The following NTRK3 variants were observed in gnomAD, a reference collection of about 807,000 sequenced individuals.
NTRK3 encodes NT-3 growth factor receptor.
In NTRK3, 24 loss-of-function variants were observed where a neutral mutation model predicts 91.7. That is an observed-to-expected ratio of 0.26 (90% CI 0.19 to 0.37). NTRK3 has a LOEUF of 0.37. Ranked by LOEUF, NTRK3 falls within the 10% of genes least tolerant of loss-of-function variation. NTRK3 has a pLI of 1.00. For missense variants in NTRK3, 880 were observed against 1,068.9 expected, an observed-to-expected ratio of 0.82 and a Z score of 2.46; for synonymous variants, 483 against 404.0, an observed-to-expected ratio of 1.20 and a Z score of -2.34.
At chr15:88,046,665 G>T (rs886096723) in intron 13 of NTRK3, among the ~76,000 whole-genome samples, 10 of 152,068 alleles carry the variant, frequency 6.6e-5, no homozygotes, top group African/African-American at 1.9e-4. Flanking sequence ...GTTTTCTCAG[G>T]GGGGGTCACC....
intron 6 of NTRK3, among the ~76,000 whole-genome samples, chr15:88,139,609 G>C (rs1330990076): frequency 3.9e-5 from 6 of 152,104 alleles, no homozygotes; most frequent in Admixed American, 3.9e-4. Context: ...TACTCTGTCA[G>C]AAAGGTGAAG....
At chr15:88,179,562 G>A (rs528215937) in intron 5 of NTRK3, among the ~76,000 whole-genome samples, 28 of 152,312 alleles carry the variant, frequency 1.8e-4, no homozygotes, top group East Asian at 7.7e-4. Flanking sequence ...TCAGACAGAC[G>A]TCTACATTCT....
At chr15:88,147,562 T>C (rs1203699655) in intron 5 of NTRK3, among the ~76,000 whole-genome samples, 159 bp from the exon 6 acceptor site, 1 of 151,314 alleles carries the variant, frequency 6.6e-6, no homozygotes, top group Non-Finnish European at 1.5e-5. Context: ...TTCATGCTGT[T>C]AGGCTAGCGA....
chr15:88,085,450 GAGA>G (rs1350946447), intron 13 of NTRK3, among the ~76,000 whole-genome samples: 2 of 152,282 alleles, frequency 1.3e-5, no homozygotes, highest in African/African-American at 2.4e-5. Flanking sequence ...CATCTGCCAT[GAGA>G]AGAATATGCT....
chr15:87,987,465 TTGTG>T (rs924441984), intron 14 of NTRK3, among the ~76,000 whole-genome samples: 12 of 151,844 alleles, frequency 7.9e-5, no homozygotes, highest in Non-Finnish European at 1.2e-4. Flanking sequence ...CCTCATTTTC[TTGTG>T]TGTGTCTTTC....
chr15:87,897,831 A>T (rs1188425898), intron 17 of NTRK3, among the ~76,000 whole-genome samples: 1 of 118,712 alleles, frequency 8.4e-6, no homozygotes, highest in Non-Finnish European at 1.6e-5. Context: ...AGAATTATAT[A>T]CATATCCTGT....
chr15:88,221,108 C>G (rs916912210), intron 3 of NTRK3, among the ~76,000 whole-genome samples: 2 of 152,160 alleles, frequency 1.3e-5, no homozygotes, highest in Admixed American at 1.3e-4. Context: ...GGACTTCATG[C>G]GGATTAATTT....
intron 3 of NTRK3, among the ~76,000 whole-genome samples, chr15:88,221,939 G>A (rs1463732656): frequency 1.3e-5 from 2 of 152,216 alleles, no homozygotes; most frequent in African/African-American, 4.8e-5. Flanking sequence ...GCACTGCAGA[G>A]ATAACTGCCA....
At chr15:88,046,787 AC>A (rs1392178853) in intron 13 of NTRK3, among the ~76,000 whole-genome samples, 2 of 152,216 alleles carry the variant, frequency 1.3e-5, no homozygotes, top group East Asian at 3.9e-4. Flanking sequence ...CATCCCTTTC[AC>A]AGACATGCCA....
At chr15:87,926,167 T>G (rs967082499) in intron 17 of NTRK3, among the ~76,000 whole-genome samples, 3 of 152,334 alleles carry the variant, frequency 2.0e-5, no homozygotes, top group Non-Finnish European at 4.4e-5. Context: ...CCATTGTCAT[T>G]CCAATGTCTT....
At chr15:88,027,116 G>T (rs943861104) in intron 14 of NTRK3, among the ~76,000 whole-genome samples, 4 of 151,988 alleles carry the variant, frequency 2.6e-5, no homozygotes, top group Non-Finnish European at 4.4e-5. Context: ...AGAAGTCTAG[G>T]CAACGAGATT....
chr15:87,947,921 G>A (rs1196765512), intron 14 of NTRK3, among the ~76,000 whole-genome samples: 1 of 152,110 alleles, frequency 6.6e-6, no homozygotes, highest in Non-Finnish European at 1.5e-5. Flanking sequence ...GGGAGAAAGA[G>A]GGCCAGCTTT....
At chr15:87,880,722 G>T (rs2065195476) in intron 17 of NTRK3, among the ~76,000 whole-genome samples, 1 of 152,112 alleles carries the variant, frequency 6.6e-6, no homozygotes, top group African/African-American at 2.4e-5. Flanking sequence ...TCAGAATCTA[G>T]CACTACAGAA....
At chr15:88,174,837 G>A (rs1024010210) in intron 5 of NTRK3, among the ~76,000 whole-genome samples, 1 of 152,220 alleles carries the variant, frequency 6.6e-6, no homozygotes, top group Non-Finnish European at 1.5e-5. Flanking sequence ...CACCTCCACT[G>A]CCTTGTGCTG....
chr15:88,156,726 G>A (rs1260513086), intron 5 of NTRK3, among the ~76,000 whole-genome samples: 6 of 152,158 alleles, frequency 3.9e-5, no homozygotes, highest in African/African-American at 1.2e-4. Context: ...CACAGCCTGC[G>A]TCTCAGACTG....
At chr15:87,910,038 C>T (rs190166534) in intron 17 of NTRK3, among the ~76,000 whole-genome samples, 22 of 152,252 alleles carry the variant, frequency 1.4e-4, no homozygotes, top group South Asian at 4.2e-4. Context: ...AAGCAACTGG[C>T]GCTGGGCCAC....
intron 14 of NTRK3, among the ~76,000 whole-genome samples, chr15:87,959,521 C>A (rs1019609392): frequency 1.2e-4 from 18 of 152,198 alleles, no homozygotes; most frequent in African/African-American, 4.3e-4. Flanking sequence ...CAGTGCCCAA[C>A]AGGACATCAA....
At chr15:87,880,161 G>A in intron 18 of NTRK3, 109 bp downstream of exon 19, 1 of 1,400,916 alleles carries the variant, frequency 7.1e-7, no homozygotes, top group South Asian at 1.2e-5. Flanking sequence ...CATTCACTCT[G>A]CTGGCTCTAA....
At chr15:88,138,186 A>G (rs2042053163) in intron 6 of NTRK3, among the ~76,000 whole-genome samples, 1 of 151,872 alleles carries the variant, frequency 6.6e-6, no homozygotes, top group Admixed American at 6.6e-5. Context: ...GGAGGATCAC[A>G]AGGTCAGGAG....
Sources: allele counts gnomAD v4.1 joint callset (sites outside exome capture counted in the v4.1 genomes callset), GRCh38; gene constraint gnomAD v4.1.1; transcripts MANE v1.5; gene names NCBI Gene and HGNC (gene_info 2026-07-23, HGNC 2026-07-21).